Variants in MSMO1 observed in about 807,000 individuals in gnomAD.
The protein encoded by MSMO1 is methylsterol monooxygenase 1.
A neutral mutation model predicts 30.4 loss-of-function variants in MSMO1; 18 were observed. The observed-to-expected ratio is 0.59, with a 90% CI of 0.41 to 0.88. The LOEUF (loss-of-function observed/expected upper bound fraction) is 0.88. MSMO1 is among the 40% of genes least tolerant of loss of function. The probability of loss-of-function intolerance (pLI) is 0.00; values close to 1 mark genes in which losing one functional copy is unlikely to be tolerated. For synonymous variants in MSMO1, 84 were observed against 107.9 expected (o/e 0.78, Z 1.37); for missense variants, 284 against 340.5 (o/e 0.83, Z 1.31).
chr4:165,336,162 C>T (rs948007940), intron 2 of MSMO1, among the ~76,000 whole-genome samples: 3 of 149,518 alleles, frequency 2.0e-5, no homozygotes, highest in African/African-American at 7.6e-5. Flanking sequence ...AGAGCTAATG[C>T]ACATCCTTGC....
intron 4 of MSMO1, among the ~76,000 whole-genome samples, chr4:165,339,196 C>G (rs1484303161): frequency 1.4e-5 from 2 of 145,882 alleles, no homozygotes; most frequent in African/African-American, 5.0e-5. Context: ...CCTTCACCTC[C>G]TGGGTTCAAG....
chr4:165,336,235 T>TTA (rs1553967791), intron 2 of MSMO1, among the ~76,000 whole-genome samples: 3 of 146,812 alleles, frequency 2.0e-5, no homozygotes, highest in South Asian at 2.1e-4. Flanking sequence ...TCTATTTCTT[T>TTA]AAAAAAAAAA....
chr4:165,340,290 A>G lies in MSMO1; in HGVS notation c.601A>G (p.Ile201Val). 2 of 1,613,984 alleles carry G rather than the reference A, an allele frequency of 1.2e-6. No individual in the cohort carries two copies. The highest frequency in any genetic ancestry group is 1.1e-5 in the South Asian group (1 of 91,084). The change falls in exon 5 of 6, where the codon ATT (isoleucine) becomes GTT (valine). Residue 201 changes from isoleucine to valine, a missense_variant. Transcript: ENST00000261507. ...ETLILGTGFF[I>V]GIVLLCDHVI... The stretch of plus-strand genomic sequence containing the variant: ...TCTAATTCTTGGAACTGGATTTTTC[A>G]TTGGAATCGTGCTTTTGTGTGATCA...
At chr4:165,339,951 C>T (rs1747671385) in intron 4 of MSMO1, among the ~76,000 whole-genome samples, 1 of 152,290 alleles carries the variant, frequency 6.6e-6, no homozygotes, top group South Asian at 2.1e-4. Context: ...TTCAGTGTTG[C>T]AGTCTCGAGA....
intron 1 of MSMO1, among the ~76,000 whole-genome samples, chr4:165,331,567 C>T (rs1448231336): frequency 3.9e-5 from 6 of 152,142 alleles, no homozygotes; most frequent in East Asian, 1.9e-4. Context: ...AGAAGGAGGA[C>T]GGCCTGAAGT....
In MSMO1 at chr4:165,342,348, A is replaced by G. The variant is rs1242833871; in HGVS notation, c.*402A>G. On this transcript the variant is annotated 3_prime_UTR_variant, in exon 6 of 6. Coordinates refer to ENST00000261507, the MANE Select transcript of MSMO1 (RefSeq NM_006745.5). ...AATTCTTCATAGTGGTATTGGCCTT[A>G]TATTTAACTTTTTTTTTATTTTTTT... The G allele has an allele frequency of 6.5e-6, 1 of 154,394 alleles. No individual in the cohort carries two copies. The highest frequency in any genetic ancestry group is 1.4e-5 in the Non-Finnish European group (1 of 70,838). The allele number at this position is 154,394 out of a possible 1,614,324, so 9.6% of individuals were successfully genotyped here.
intron 1 of MSMO1, among the ~76,000 whole-genome samples, chr4:165,331,928 G>T (rs1014167891): frequency 6.8e-6 from 1 of 147,712 alleles, no homozygotes; most frequent in Non-Finnish European, 1.5e-5. Flanking sequence ...TTCCTACCCC[G>T]CCGCGCTCTG....
Position 165,341,865 on chromosome 4 carries a change from G to A in MSMO1, c.801G>A (p.Trp267Ter), listed in dbSNP as rs1208664233. 2 of 1,613,298 alleles carry A rather than the reference G, an allele frequency of 1.2e-6. No homozygotes were observed. Among genetic ancestry groups the A allele is most frequent in the Non-Finnish European group, 1.7e-6 (2 of 1,179,510 alleles). Residue 267 changes from tryptophan to a stop codon, truncating the protein, a stop_gained, in exon 6 of 6, where the codon TGG (tryptophan) becomes TGA (stop). Coordinates refer to ENST00000261507, the MANE Select transcript of MSMO1 (RefSeq NM_006745.5). LOFTEE classifies it high-confidence loss of function. ...GAAACTATGCTTCAACATTTACATG[G>A]TGGGATCGAATTTTTGGAACAGACT... ...FIGNYASTFT[W>*]WDRIFGTDSQ...
At chr4:165,331,602 G>T (rs1171094276) in intron 1 of MSMO1, among the ~76,000 whole-genome samples, 1 of 152,192 alleles carries the variant, frequency 6.6e-6, no homozygotes, top group Non-Finnish European at 1.5e-5. Context: ...GGAGGAGTTG[G>T]CTAGGTTCTC....
intron 2 of MSMO1, 70 bp downstream of exon 2, chr4:165,333,695 T>G: frequency 7.0e-7 from 1 of 1,426,608 alleles, no homozygotes; most frequent in Non-Finnish European, 9.4e-7. Context: ...TACATAGGGC[T>G]TTGTTTTGTG....
chr4:165,340,281 G>A lies in MSMO1; in HGVS notation c.592G>A (p.Gly198Arg). 1 of 1,613,884 alleles carries A rather than the reference G, an allele frequency of 6.2e-7. No homozygotes were observed. The part of the protein sequence containing the change: ...HPLETLILGT[G>R]FFIGIVLLCD... ...TTTGGAGACTCTAATTCTTGGAACTGGATTTTTCATTGGAATCGTGCTTTT... is the reference window on the plus strand; with the variant it reads ...TTTGGAGACTCTAATTCTTGGAACTAGATTTTTCATTGGAATCGTGCTTTT... Residue 198 changes from glycine to arginine, a missense_variant, in exon 5 of 6, where the codon GGA becomes AGA. Gly to Arg is a moderately radical substitution (Grantham distance 125). Transcript: ENST00000261507.
intron 4 of MSMO1, among the ~76,000 whole-genome samples, chr4:165,339,034 C>T (rs115263689): frequency 0.011 from 1,579 of 148,282 alleles, 14 homozygotes; most frequent in Non-Finnish European, 0.016. Flanking sequence ...CAGTGCTACA[C>T]TGGCACAGCT....
chr4:165,335,184 G>A (rs1747505706), intron 2 of MSMO1, among the ~76,000 whole-genome samples: 1 of 152,076 alleles, frequency 6.6e-6, no homozygotes, highest in African/African-American at 2.4e-5. Context: ...GATACCAAAG[G>A]ACAACTGTAT....
At chr4:165,331,152 A>G (rs921080266) in intron 1 of MSMO1, among the ~76,000 whole-genome samples, 1 of 152,148 alleles carries the variant, frequency 6.6e-6, no homozygotes, top group African/African-American at 2.4e-5. Context: ...AAAAAATTAA[A>G]AAAATTAGCC....
At chr4:165,328,990 T>C (rs1408322112) in intron 1 of MSMO1, among the ~76,000 whole-genome samples, 1 of 152,132 alleles carries the variant, frequency 6.6e-6, no homozygotes, top group African/African-American at 2.4e-5. Flanking sequence ...GCCTCTGAAC[T>C]CTCTGACTGG....
chr4:165,338,306 GTATATATATA>G (rs72119405), intron 3 of MSMO1, among the ~76,000 whole-genome samples: 1 of 83,338 alleles, frequency 1.2e-5, no homozygotes, highest in East Asian at 2.3e-4. Context: ...ATATGTATGT[GTATATATATA>G]TATATATATA....
chr4:165,340,635 A>T (rs1579219168), intron 5 of MSMO1: 1 of 467,440 alleles, frequency 2.1e-6, no homozygotes, highest in South Asian at 2.6e-5. Context: ...ATCCTTCTGT[A>T]ATAAACCTAA....
intron 1 of MSMO1, among the ~76,000 whole-genome samples, chr4:165,332,452 A>G (rs1337543075): frequency 6.6e-6 from 1 of 152,208 alleles, no homozygotes; most frequent in African/African-American, 2.4e-5. Flanking sequence ...TGCTGCTACA[A>G]GCAATGCTTC....
intron 1 of MSMO1, among the ~76,000 whole-genome samples, chr4:165,332,884 TCTTTGA>T (rs1471846574): frequency 3.3e-5 from 5 of 152,240 alleles, no homozygotes; most frequent in African/African-American, 1.2e-4. Flanking sequence ...TGTCATTTAA[TCTTTGA>T]CTTTGTCTTT....
Sources: gnomAD v4.1 joint callset for allele counts (sites outside exome capture counted in the v4.1 genomes callset) on GRCh38, gnomAD v4.1.1 for gene constraint, MANE v1.5 for transcripts, NCBI Gene and HGNC (gene_info 2026-07-23, HGNC 2026-07-21) for gene names.